The following GPC5 variants were observed in gnomAD, a reference collection of about 807,000 sequenced individuals.
GPC5 encodes the protein glypican-5.
GPC5 carries 47 observed loss-of-function variants against 53.9 expected under a neutral mutation model. The ratio of observed to expected loss-of-function variants is 0.87; its 90% confidence interval spans 0.69 to 1.11. The LOEUF (loss-of-function observed/expected upper bound fraction) is 1.11, where lower values mean the gene tolerates loss of function less well. Ranked by LOEUF, GPC5 falls within the 50% of genes most tolerant of loss-of-function variation. The pLI is 0.00. For missense variants in GPC5, 748 were observed against 713.1 expected, an observed-to-expected ratio of 1.05 and a Z score of -0.56; for synonymous variants, 286 against 263.3, an observed-to-expected ratio of 1.09 and a Z score of -0.84.
chr13:92,753,339 T>C (rs1253750316), intron 7 of GPC5, among the ~76,000 whole-genome samples: 1 of 151,978 alleles, frequency 6.6e-6, no homozygotes, highest in East Asian at 1.9e-4. Flanking sequence ...TACATCACCA[T>C]CATCAAAGAC....
chr13:91,629,574 C>G (rs2034102758), intron 2 of GPC5, among the ~76,000 whole-genome samples: 1 of 152,018 alleles, frequency 6.6e-6, no homozygotes, highest in Admixed American at 6.6e-5. Flanking sequence ...ACCCAGGAGG[C>G]AGAGGTTGCA....
intron 7 of GPC5, among the ~76,000 whole-genome samples, chr13:92,833,488 A>G (rs1878119738): frequency 6.6e-6 from 1 of 152,080 alleles, no homozygotes. Flanking sequence ...TTCTTCACTC[A>G]CTTGTTCATT....
chr13:91,872,262 G>A (rs2039153638), intron 5 of GPC5, among the ~76,000 whole-genome samples: 1 of 152,098 alleles, frequency 6.6e-6, no homozygotes, highest in Non-Finnish European at 1.5e-5. Flanking sequence ...GGCTGACAGG[G>A]AGAAAAGAGC....
At chr13:92,482,070 G>T (rs1161465875) in intron 7 of GPC5, among the ~76,000 whole-genome samples, 1 of 151,970 alleles carries the variant, frequency 6.6e-6, no homozygotes, top group African/African-American at 2.4e-5. Flanking sequence ...GGCAGAGGTT[G>T]CAGTGAGCCG....
chr13:91,448,022 A>G (rs184568078), intron 1 of GPC5, among the ~76,000 whole-genome samples: 2 of 152,318 alleles, frequency 1.3e-5, no homozygotes, highest in Admixed American at 1.3e-4. Flanking sequence ...TACCAGGATG[A>G]AAGTTTAGTG....
intron 7 of GPC5, among the ~76,000 whole-genome samples, chr13:92,481,977 A>G (rs1879374953): frequency 6.6e-6 from 1 of 152,022 alleles, no homozygotes; most frequent in African/African-American, 2.4e-5. Flanking sequence ...AAAAATACAA[A>G]AAAATTAGCC....
chr13:92,165,111 C>T (rs9560956), intron 7 of GPC5, among the ~76,000 whole-genome samples: 1 of 152,134 alleles, frequency 6.6e-6, no homozygotes, highest in Non-Finnish European at 1.5e-5. Context: ...TTCTGACATG[C>T]CCTGGAGACA....
At chr13:92,485,750 T>C (rs762964086) in intron 7 of GPC5, among the ~76,000 whole-genome samples, 2 of 152,036 alleles carry the variant, frequency 1.3e-5, no homozygotes, top group Non-Finnish European at 2.9e-5. Context: ...CCAAGGTGGG[T>C]GGATCACCTG....
At chr13:92,037,800 C>A (rs2040905712) in intron 6 of GPC5, among the ~76,000 whole-genome samples, 1 of 152,102 alleles carries the variant, frequency 6.6e-6, no homozygotes, top group Admixed American at 6.6e-5. Context: ...ATTTAAGAAA[C>A]CCTCATTTGC....
intron 7 of GPC5, among the ~76,000 whole-genome samples, chr13:92,325,878 T>C (rs2043247584): frequency 6.6e-6 from 1 of 152,054 alleles, no homozygotes; most frequent in Non-Finnish European, 1.5e-5. Context: ...CAAAGGGGCC[T>C]CACTATACTT....
At chr13:91,569,683 C>T (rs186171206) in intron 2 of GPC5, among the ~76,000 whole-genome samples, 27 of 152,204 alleles carry the variant, frequency 1.8e-4, no homozygotes, top group Non-Finnish European at 3.4e-4. Flanking sequence ...GGTAGTATTA[C>T]GAGGTGAGGC....
At chr13:91,800,725 T>C (rs1280914711) in intron 5 of GPC5, among the ~76,000 whole-genome samples, 1 of 152,178 alleles carries the variant, frequency 6.6e-6, no homozygotes, top group Non-Finnish European at 1.5e-5. Flanking sequence ...TATTTGAACA[T>C]GTTTTAATAA....
rs560850388 is a variant in GPC5, at chr13:92,445,638, C to T, written c.1561+300649C>T. On this transcript the variant is annotated intron_variant, in intron 7 of 7. Transcript: ENST00000377067. Reference sequence around the variant, plus strand: ...ATTTCATCCATGTCCCTAAAAAGGACATGAACTCATCATTTTTTATGGCTG... The same window carrying T: ...ATTTCATCCATGTCCCTAAAAAGGATATGAACTCATCATTTTTTATGGCTG... 4.0e-5 allele frequency among the ~76,000 whole-genome samples: 6 copies of T among 151,776 alleles called. No homozygotes were observed. In the South Asian group the frequency reaches 1.3e-3, roughly 32 times the overall value.
At chr13:92,752,328 G>A (rs1051890382) in intron 7 of GPC5, among the ~76,000 whole-genome samples, 3 of 152,142 alleles carry the variant, frequency 2.0e-5, no homozygotes, top group Non-Finnish European at 4.4e-5. Flanking sequence ...AAATGCTCTG[G>A]TCCTCTTCAG....
At chr13:92,694,398 G>A (rs1004209024) in intron 7 of GPC5, among the ~76,000 whole-genome samples, 2 of 152,302 alleles carry the variant, frequency 1.3e-5, no homozygotes, top group Admixed American at 1.3e-4. Flanking sequence ...GCAGCTGCAG[G>A]GGCTGTACTC....
In GPC5 at chr13:92,326,259, G is replaced by A. The variant is rs1359737085; in HGVS notation, c.1561+181270G>A. Among the ~76,000 whole-genome samples, 8 of 152,094 alleles carry A rather than the reference G, an allele frequency of 5.3e-5. No individual in the cohort carries two copies. The South Asian group carries it at 1.2e-3, about 24-fold the overall frequency. On this transcript the variant is annotated intron_variant, in intron 7 of 7. Transcript: ENST00000377067. ...GCCGGTAAGTATATCCTGCAACTAT[G>A]ATAAAAATTTCAGACTTGTACAATA...
At chr13:92,309,468 C>T (rs1044735918) in intron 7 of GPC5, among the ~76,000 whole-genome samples, 1 of 151,984 alleles carries the variant, frequency 6.6e-6, no homozygotes, top group African/African-American at 2.4e-5. Flanking sequence ...AATTATTGAA[C>T]CTAGTATGTC....
In GPC5 at chr13:92,223,353, C is replaced by T. The variant is rs534856456; in HGVS notation, c.1561+78364C>T. Among the ~76,000 whole-genome samples the T allele has an allele frequency of 2.6e-4, 40 of 152,250 alleles. No individual in the cohort carries two copies. The East Asian group carries it at 3.9e-3, about 15-fold the overall frequency. ...AGATAAAATAAATTTGATTTAACAT[C>T]GGGTTCAACCATTCTTTCACAGTTG... On this transcript the variant is annotated intron_variant, in intron 7 of 7. Transcript: ENST00000377067.
intron 1 of GPC5, among the ~76,000 whole-genome samples, chr13:91,424,552 A>T (rs1250050515): frequency 1.3e-5 from 2 of 151,970 alleles, no homozygotes; most frequent in African/African-American, 4.8e-5. Context: ...TTTTAAGTAG[A>T]GACGGGGTTT....
Sources: gnomAD v4.1 joint callset for allele counts (sites outside exome capture counted in the v4.1 genomes callset) on GRCh38, gnomAD v4.1.1 for gene constraint, MANE v1.5 for transcripts, NCBI Gene and HGNC (gene_info 2026-07-23, HGNC 2026-07-21) for gene names.